The following CPNE8 variants were observed in gnomAD, a reference collection of about 807,000 sequenced individuals.
CPNE8 encodes copine 8, also known as copine-8.
CPNE8 carries 45 observed loss-of-function variants against 81.5 expected under a neutral mutation model. The ratio of observed to expected loss-of-function variants is 0.55; its 90% CI spans 0.44 to 0.71. The LOEUF (loss-of-function observed/expected upper bound fraction) is 0.71, where lower values mean the gene tolerates loss of function less well. CPNE8 is among the 30% of genes least tolerant of loss of function. The pLI, the probability that CPNE8 is intolerant of heterozygous loss-of-function variation, is 0.00. For missense variants in CPNE8, 594 were observed against 672.1 expected (o/e 0.88, Z 1.28); for synonymous variants, 252 against 226.3 (o/e 1.11, Z -1.02).
intron 13 of CPNE8, among the ~76,000 whole-genome samples, chr12:38,717,429 G>GTATATATATA (rs57044387): frequency 0.026 from 2,275 of 86,798 alleles, 94 homozygotes; most frequent in Admixed American, 0.057. Flanking sequence ...AAAGTGTGGT[G>GTATATATATA]TATATATATA....
chr12:38,772,249 G>C (rs983346102), intron 7 of CPNE8, among the ~76,000 whole-genome samples: 1 of 152,104 alleles, frequency 6.6e-6, no homozygotes, highest in African/African-American at 2.4e-5. Flanking sequence ...GCTGGTAGAA[G>C]AGTGAGCTAA....
chr12:38,790,141 A>C (rs1942288959), intron 6 of CPNE8, among the ~76,000 whole-genome samples: 1 of 151,852 alleles, frequency 6.6e-6, no homozygotes, highest in Non-Finnish European at 1.5e-5. Context: ...CAGTATATCA[A>C]AGACATATCT....
intron 4 of CPNE8, among the ~76,000 whole-genome samples, chr12:38,842,859 G>A (rs548105907): frequency 1.3e-5 from 2 of 152,150 alleles, no homozygotes; most frequent in African/African-American, 2.4e-5. Flanking sequence ...GATTACAGGC[G>A]TGAGCCACCG....
chr12:38,708,413 A>G lies in CPNE8; in HGVS notation c.915-5492T>C, dbSNP rs569438574. 2.6e-5 allele frequency among the ~76,000 whole-genome samples: 4 copies of G among 152,196 alleles called. No homozygotes were observed. In the South Asian group the frequency reaches 8.3e-4, roughly 32 times the overall value. On this transcript the variant is annotated intron_variant, in intron 13 of 19. Coordinates refer to ENST00000331366, the MANE Select transcript of CPNE8 (RefSeq NM_153634.3). ...CCAAATTTATATAAGATTACTCCTGACAGAATATTCATAAAACAATCACAT... is the reference window on the plus strand; with the variant it reads ...CCAAATTTATATAAGATTACTCCTGGCAGAATATTCATAAAACAATCACAT...
intron 5 of CPNE8, 141 bp from the exon 6 acceptor site, chr12:38,829,596 A>C: frequency 1.6e-6 from 1 of 612,586 alleles, no homozygotes; most frequent in Non-Finnish European, 2.9e-6. Flanking sequence ...AATAAGCTCA[A>C]TATGCATTAA....
intron 6 of CPNE8, among the ~76,000 whole-genome samples, chr12:38,806,013 T>A (rs1474795414): frequency 2.7e-5 from 4 of 150,162 alleles, no homozygotes; most frequent in African/African-American, 9.7e-5. Flanking sequence ...AAGAAATGGA[T>A]AAATTCCTTG....
At chr12:38,843,104 T>A (rs934465397) in intron 4 of CPNE8, among the ~76,000 whole-genome samples, 1 of 152,194 alleles carries the variant, frequency 6.6e-6, no homozygotes, top group South Asian at 2.1e-4. Context: ...AGAGGATGCA[T>A]CCACTGTGCC....
intron 3 of CPNE8, among the ~76,000 whole-genome samples, chr12:38,854,286 C>A (rs1012170727): frequency 2.0e-4 from 31 of 151,742 alleles, no homozygotes; most frequent in African/African-American, 6.8e-4. Context: ...ACAGAGACTC[C>A]ACAGCCCTCT....
intron 6 of CPNE8, among the ~76,000 whole-genome samples, chr12:38,777,282 ATAACT>A (rs1381313762): frequency 1.3e-5 from 2 of 152,300 alleles, no homozygotes; most frequent in African/African-American, 2.4e-5. Context: ...AAATAAATAA[ATAACT>A]TAAAAACAGA....
At chr12:38,870,950 T>C (rs557958222) in intron 3 of CPNE8, among the ~76,000 whole-genome samples, 107 of 152,258 alleles carry the variant, frequency 7.0e-4, no homozygotes, top group East Asian at 9.6e-4. Context: ...ATAAGGATTA[T>C]AATATAACCT....
At chr12:38,874,392 C>T in intron 2 of CPNE8, 79 bp downstream of exon 2, 1 of 1,081,636 alleles carries the variant, frequency 9.2e-7, no homozygotes, top group Non-Finnish European at 1.4e-6. Context: ...TAAAACAAAC[C>T]TTTAAACAAG....
intron 6 of CPNE8, among the ~76,000 whole-genome samples, chr12:38,826,998 T>C (rs1489132383): frequency 7.2e-6 from 1 of 138,804 alleles, no homozygotes; most frequent in African/African-American, 2.7e-5. Context: ...TGAAACCCCG[T>C]CTCTACTAAA....
intron 7 of CPNE8, among the ~76,000 whole-genome samples, chr12:38,770,301 CTTCTA>C (rs1227990134): frequency 6.6e-6 from 1 of 152,184 alleles, no homozygotes; most frequent in African/African-American, 2.4e-5. Context: ...ATCCTTGACT[CTTCTA>C]TTTTCCTGAT....
intron 1 of CPNE8, among the ~76,000 whole-genome samples, chr12:38,900,701 G>A (rs1404668415): frequency 6.6e-6 from 1 of 152,056 alleles, no homozygotes; most frequent in Non-Finnish European, 1.5e-5. Flanking sequence ...CTTTGGGACT[G>A]TACCTTTTAT....
At chr12:38,802,813 G>T (rs994804121) in intron 6 of CPNE8, among the ~76,000 whole-genome samples, 8 of 137,150 alleles carry the variant, frequency 5.8e-5, no homozygotes, top group Non-Finnish European at 7.8e-5. Context: ...AATAAAAAAT[G>T]ATAAAGGGGA....
intron 10 of CPNE8, among the ~76,000 whole-genome samples, chr12:38,752,572 A>G (rs1941373425): frequency 2.6e-5 from 4 of 152,198 alleles, no homozygotes; most frequent in Admixed American, 2.6e-4. Flanking sequence ...TATTTTCAAT[A>G]TCACCTCTGG....
Position 38,874,493 on chromosome 12 carries a change from GT to G in CPNE8, c.116del (p.Asp39AlafsTer30). 6.2e-7 allele frequency: 1 copy of G among 1,608,254 alleles called. No homozygotes were observed. The highest frequency in any genetic ancestry group is 8.5e-7 in the Non-Finnish European group (1 of 1,176,522). On this transcript the variant is annotated frameshift_variant, in exon 2 of 20. Coordinates refer to ENST00000331366, the MANE Select transcript of CPNE8 (RefSeq NM_153634.3). LOFTEE classifies it high-confidence loss of function. Reference protein sequence around the residue: ...SVSCRNLLDRDTFSKSDPICV... With the variant: ...SVSCRNLLDRXTFSKSDPICV... Reference sequence around the variant, plus strand: ...TACTTGGATCAGATTTAGAAAATGTGTCTCTGTCAAGAAGATTTCTGTTGAA... The same window carrying G: ...TACTTGGATCAGATTTAGAAAATGTGCTCTGTCAAGAAGATTTCTGTTGAA...
chr12:38,771,994 G>A (rs778748759), intron 7 of CPNE8, among the ~76,000 whole-genome samples: 1 of 152,218 alleles, frequency 6.6e-6, no homozygotes, highest in African/African-American at 2.4e-5. Context: ...CATGGAAGGT[G>A]TTTGGGTTAT....
In CPNE8 at chr12:38,702,904, GTGAAAT is replaced by G; in HGVS notation, c.926_931del (p.Asn309_Phe310del). On this transcript the variant is annotated inframe_deletion, in exon 14 of 20. Coordinates refer to ENST00000331366, the MANE Select transcript of CPNE8 (RefSeq NM_153634.3). ...TGATGCTGTAAAATCAATAGCCACT[GTGAAAT>G]TGATTTGCGTCCTGGAATAGAAGTA... 6.3e-7 allele frequency: 1 copy of G among 1,581,374 alleles called. No homozygotes were observed. The highest frequency in any genetic ancestry group is 8.6e-7 in the Non-Finnish European group (1 of 1,161,678).
Sources: allele counts gnomAD v4.1 joint callset (sites outside exome capture counted in the v4.1 genomes callset), GRCh38; gene constraint gnomAD v4.1.1; transcripts MANE v1.5; gene names NCBI Gene and HGNC (gene_info 2026-07-23, HGNC 2026-07-21).